NUMB: variants seen among roughly 807,000 people sequenced by gnomAD.
The protein encoded by NUMB is NUMB endocytic adaptor protein.
Under a neutral mutation model 59.7 loss-of-function variants are expected in NUMB, and 29 were observed. The observed-to-expected ratio is 0.49, with a 90% CI of 0.36 to 0.66. The LOEUF (loss-of-function observed/expected upper bound fraction) is 0.66, where lower values mean the gene tolerates loss of function less well. NUMB is among the 30% of genes least tolerant of loss of function. The pLI is 0.00. For synonymous variants in NUMB, 288 were observed against 288.2 expected (o/e 1.00, Z 0.01); for missense variants, 723 against 822.0 (o/e 0.88, Z 1.47).
chr14:73,346,675 T>G (rs1282417957), intron 4 of NUMB, among the ~76,000 whole-genome samples: 2 of 151,264 alleles, frequency 1.3e-5, no homozygotes, highest in East Asian at 3.9e-4. Flanking sequence ...TCTATAAGCT[T>G]CTCTCTCCTA....
chr14:73,352,942 A>G (rs1893498541), intron 4 of NUMB, among the ~76,000 whole-genome samples: 2 of 151,584 alleles, frequency 1.3e-5, no homozygotes, highest in Admixed American at 1.3e-4. Flanking sequence ...TTTTTTGCTT[A>G]CCACCTAGCA....
intron 2 of NUMB, among the ~76,000 whole-genome samples, chr14:73,402,450 A>G (rs553017228): frequency 2.0e-5 from 3 of 152,300 alleles, no homozygotes; most frequent in Non-Finnish European, 4.4e-5. Context: ...ATTACACACT[A>G]TATTACTATC....
intron 4 of NUMB, among the ~76,000 whole-genome samples, chr14:73,333,926 G>A (rs542862342): frequency 1.8e-4 from 27 of 151,288 alleles, no homozygotes; most frequent in East Asian, 1.2e-3. Context: ...GTGCAGTGGC[G>A]CGATCTCAGC....
chr14:73,365,950 A>G (rs1003363364), intron 3 of NUMB, among the ~76,000 whole-genome samples: 1 of 152,228 alleles, frequency 6.6e-6, no homozygotes, highest in African/African-American at 2.4e-5. Context: ...CATTCACCAT[A>G]GTGAAAGTTC....
chr14:73,447,690 A>C (rs986424182), intron 1 of NUMB, among the ~76,000 whole-genome samples: 4 of 151,686 alleles, frequency 2.6e-5, no homozygotes, highest in African/African-American at 9.7e-5. Context: ...AAAAAAAGAA[A>C]AGAAAAAATA....
chr14:73,403,012 C>A (rs148750034), intron 2 of NUMB, among the ~76,000 whole-genome samples: 1 of 152,124 alleles, frequency 6.6e-6, no homozygotes, highest in South Asian at 2.1e-4. Flanking sequence ...TTCCCAAATC[C>A]CTACTCCCTC....
intron 8 of NUMB, among the ~76,000 whole-genome samples, chr14:73,290,005 C>T (rs900062907): frequency 2.8e-4 from 43 of 152,164 alleles, no homozygotes; most frequent in Admixed American, 2.4e-3. Context: ...GAATGAAAAA[C>T]GCTGGAGATG....
At chr14:73,401,646 T>C (rs927478006) in intron 2 of NUMB, among the ~76,000 whole-genome samples, 1 of 144,130 alleles carries the variant, frequency 6.9e-6, no homozygotes, top group African/African-American at 2.7e-5. Flanking sequence ...CTTGGCTCAC[T>C]GCAAGCTCCA....
At chr14:73,338,116 C>G (rs1056629558) in intron 4 of NUMB, among the ~76,000 whole-genome samples, 2 of 152,050 alleles carry the variant, frequency 1.3e-5, no homozygotes, top group South Asian at 2.1e-4. Flanking sequence ...GAGACCCCCC[C>G]ACCCCCAACC....
intron 1 of NUMB, among the ~76,000 whole-genome samples, chr14:73,411,338 ACCTC>A (rs1208315544): frequency 6.8e-5 from 7 of 102,616 alleles, no homozygotes; most frequent in Non-Finnish European, 1.1e-4. Context: ...GTTAATTATA[ACCTC>A]TTTAAACCTC....
rs1555383658 is a variant in NUMB, at chr14:73,440,246, T to TAC, written c.-233+18245_-233+18246dup. Among the ~76,000 whole-genome samples the TAC allele has an allele frequency of 2.5e-4, 35 of 141,886 alleles. 1 individual carries two copies. The highest frequency in any genetic ancestry group is 3.9e-3 in the Middle Eastern group (1 of 258). The allele number at this position is 141,886 out of a possible 152,430, so 93.1% of individuals were successfully genotyped here. A position where few individuals can be genotyped will look rare whatever the true frequency, so the allele number is the denominator to read the frequency against. On this transcript the variant is annotated intron_variant, in intron 1 of 12. Transcript: ENST00000555238. ...ATATATATGGATATCCATATATATATACATCCATATATCTATAGATATCCA... is the reference window on the plus strand; with the variant it reads ...ATATATATGGATATCCATATATATATACACATCCATATATCTATAGATATCCA...
Position 73,399,502 on chromosome 14 carries a change from G to A in NUMB, c.-101+10435C>T, listed in dbSNP as rs144105862. Among the ~76,000 whole-genome samples, 1,448 of 152,278 alleles carry A rather than the reference G, an allele frequency of 9.5e-3. 15 individuals are homozygous for A. The highest frequency in any genetic ancestry group is 0.041 in the Middle Eastern group (12 of 294). ...TGCTTGAACCCAGGACACAGAGGCT[G>A]CAGTGAGCCGAGATTGTGCCATTGC... On this transcript the variant is annotated intron_variant, in intron 2 of 12. Coordinates refer to ENST00000555238, the MANE Select transcript of NUMB (RefSeq NM_001005743.2).
rs1371259501 is a variant in NUMB at position 73,393,283 on chromosome 14, G to GACTAAGGCTAGACAGGTA, written c.-101+16653_-101+16654insTACCTGTCTAGCCTTAGT. On this transcript the variant is annotated intron_variant, in intron 2 of 12. Coordinates refer to ENST00000555238, the MANE Select transcript of NUMB (RefSeq NM_001005743.2). ...TTGACTAAGGCTAGACAGCTATCCA[G>GACTAAGGCTAGACAGGTA]TCTACCACACTGTAGTGGAAGGTAA... 1.2e-3 allele frequency among the ~76,000 whole-genome samples: 176 copies of GACTAAGGCTAGACAGGTA among 152,310 alleles called. 1 individual carries two copies. The highest frequency in any genetic ancestry group is 2.0e-3 in the Non-Finnish European group (134 of 68,028).
At chr14:73,334,577 C>T (rs945796633) in intron 4 of NUMB, among the ~76,000 whole-genome samples, 13 of 151,980 alleles carry the variant, frequency 8.6e-5, no homozygotes, top group Non-Finnish European at 1.5e-4. Context: ...GGGGCCTATT[C>T]GACTTTTCTT....
intron 2 of NUMB, among the ~76,000 whole-genome samples, chr14:73,396,625 C>G (rs1051461263): frequency 2.6e-5 from 4 of 152,058 alleles, no homozygotes; most frequent in Non-Finnish European, 1.5e-5. Context: ...CTGTCTTAGC[C>G]TCTCAAAGTG....
At chr14:73,292,500 TA>T (rs1178546375) in intron 8 of NUMB, among the ~76,000 whole-genome samples, 1 of 152,242 alleles carries the variant, frequency 6.6e-6, no homozygotes, top group Admixed American at 6.5e-5. Flanking sequence ...AGACCATTTT[TA>T]CCTTCCTTTA....
chr14:73,442,591 AT>A (rs1253743511), intron 1 of NUMB, among the ~76,000 whole-genome samples: 3 of 152,212 alleles, frequency 2.0e-5, no homozygotes, highest in Non-Finnish European at 4.4e-5. Flanking sequence ...GTAATGAAAT[AT>A]TGATACACAA....
At chr14:73,372,978 C>G (rs1894783896) in intron 2 of NUMB, among the ~76,000 whole-genome samples, 1 of 152,094 alleles carries the variant, frequency 6.6e-6, no homozygotes, top group African/African-American at 2.4e-5. Flanking sequence ...AGGGTTTTAT[C>G]CCTATCCTTA....
intron 1 of NUMB, among the ~76,000 whole-genome samples, chr14:73,420,384 G>C (rs1897304559): frequency 6.6e-6 from 1 of 152,154 alleles, no homozygotes; most frequent in Non-Finnish European, 1.5e-5. Flanking sequence ...TCAGCACTTA[G>C]AGAAAAACAC....
Sources: gnomAD v4.1 joint callset for allele counts (sites outside exome capture counted in the v4.1 genomes callset) on GRCh38, gnomAD v4.1.1 for gene constraint, MANE v1.5 for transcripts, NCBI Gene and HGNC (gene_info 2026-07-23, HGNC 2026-07-21) for gene names.